Variants in CPNE4 observed in about 807,000 individuals in gnomAD.
CPNE4 encodes the protein copine 4.
A neutral mutation model predicts 67.9 loss-of-function variants in CPNE4; 25 were observed. The ratio of observed to expected loss-of-function variants is 0.37; its 90% CI spans 0.27 to 0.51. The LOEUF (loss-of-function observed/expected upper bound fraction) is 0.51, where lower values mean the gene tolerates loss of function less well. Among genes scored for constraint, CPNE4 ranks in the 20% least tolerant of loss-of-function variants. The probability of loss-of-function intolerance (pLI) is 0.93; values close to 1 mark genes in which losing one functional copy is unlikely to be tolerated. For missense variants in CPNE4, 464 were observed against 690.8 expected, an observed-to-expected ratio of 0.67 and a Z score of 3.68; for synonymous variants, 242 against 244.9, an observed-to-expected ratio of 0.99 and a Z score of 0.11.
At chr3:131,891,625 A>G (rs2088119423) in intron 2 of CPNE4, among the ~76,000 whole-genome samples, 1 of 151,960 alleles carries the variant, frequency 6.6e-6, no homozygotes, top group Non-Finnish European at 1.5e-5. Context: ...TGCTATGTGT[A>G]CATGTGTTCT....
At chr3:132,016,338 C>T (rs1378968249) in intron 1 of CPNE4, among the ~76,000 whole-genome samples, 1 of 152,198 alleles carries the variant, frequency 6.6e-6, no homozygotes, top group Non-Finnish European at 1.5e-5. Context: ...GGAATTTCAA[C>T]CACCGATCTA....
chr3:131,563,318 G>A (rs55728001), intron 11 of CPNE4, among the ~76,000 whole-genome samples: 4,156 of 152,052 alleles, frequency 0.027, 63 homozygotes, highest in Middle Eastern at 0.051. Context: ...AATCACACCA[G>A]GGAGTTAACT....
At chr3:131,914,427 C>T (rs1369692066) in intron 1 of CPNE4, among the ~76,000 whole-genome samples, 1 of 152,132 alleles carries the variant, frequency 6.6e-6, no homozygotes, top group Non-Finnish European at 1.5e-5. Flanking sequence ...CTCCCCTTCT[C>T]TCTAAGTCCT....
chr3:131,685,986 T>C (rs1382015694), intron 5 of CPNE4, 28 bp from the exon 6 acceptor site: 1 of 1,265,538 alleles, frequency 7.9e-7, no homozygotes, highest in Non-Finnish European at 1.2e-6. Flanking sequence ...CAATGAATTG[T>C]TTTTCCTCCT....
intron 1 of CPNE4, among the ~76,000 whole-genome samples, chr3:131,973,996 C>T (rs1012707204): frequency 3.3e-5 from 5 of 152,160 alleles, no homozygotes; most frequent in Admixed American, 3.3e-4. Context: ...AGACCAGTTT[C>T]TTTGAATCAC....
chr3:131,591,981 C>T (rs971524359), intron 7 of CPNE4, among the ~76,000 whole-genome samples: 1 of 152,194 alleles, frequency 6.6e-6, no homozygotes, highest in African/African-American at 2.4e-5. Flanking sequence ...CAGGTTCTTA[C>T]ATCTCACAGA....
intron 2 of CPNE4, among the ~76,000 whole-genome samples, chr3:131,766,166 G>C (rs1322931408): frequency 1.3e-5 from 2 of 152,122 alleles, no homozygotes; most frequent in African/African-American, 4.8e-5. Flanking sequence ...CTCATTAGCT[G>C]TGTGGCTTTG....
chr3:131,649,003 T>A (rs1028882523), intron 7 of CPNE4, among the ~76,000 whole-genome samples: 1 of 152,206 alleles, frequency 6.6e-6, no homozygotes, highest in African/African-American at 2.4e-5. Flanking sequence ...TTTTCCTCCT[T>A]AACTCTATGT....
chr3:131,710,974 T>C (rs2081543108), intron 3 of CPNE4, among the ~76,000 whole-genome samples: 2 of 152,142 alleles, frequency 1.3e-5, no homozygotes, highest in African/African-American at 4.8e-5. Context: ...ATGATGATAG[T>C]GTTGATAGCA....
intron 7 of CPNE4, among the ~76,000 whole-genome samples, chr3:131,601,628 T>C (rs1939212014): frequency 1.3e-5 from 2 of 152,116 alleles, no homozygotes; most frequent in Admixed American, 1.3e-4. Context: ...TAAGGACAGG[T>C]AGAGCAGGAA....
chr3:131,548,073 A>G (rs1001697759), intron 14 of CPNE4, among the ~76,000 whole-genome samples: 3 of 152,154 alleles, frequency 2.0e-5, no homozygotes, highest in African/African-American at 4.8e-5. Context: ...TGAACCAAAG[A>G]CATGCAGTGA....
chr3:131,927,008 C>G (rs2070914842), intron 1 of CPNE4, among the ~76,000 whole-genome samples: 2 of 152,002 alleles, frequency 1.3e-5, no homozygotes. Flanking sequence ...AACAAGCTGG[C>G]CTAAAGGACC....
At chr3:131,813,313 G>A (rs1355596699) in intron 2 of CPNE4, among the ~76,000 whole-genome samples, 3 of 151,050 alleles carry the variant, frequency 2.0e-5, no homozygotes, top group African/African-American at 4.8e-5. Flanking sequence ...AAAGAAAAGA[G>A]GGAAATGAGA....
intron 2 of CPNE4, among the ~76,000 whole-genome samples, chr3:131,828,446 C>T (rs1476578017): frequency 6.6e-6 from 1 of 152,088 alleles, no homozygotes; most frequent in Non-Finnish European, 1.5e-5. Flanking sequence ...AAAATTAATC[C>T]ATGCTATTAT....
intron 4 of CPNE4, 26 bp from the exon 5 acceptor site, chr3:131,696,642 G>T (rs1361321630): frequency 1.2e-6 from 2 of 1,603,632 alleles, no homozygotes; most frequent in Non-Finnish European, 1.7e-6. Context: ...CACATCAGCT[G>T]CAATAGAGGG....
chr3:131,880,906 G>T (rs1417856430), intron 2 of CPNE4, among the ~76,000 whole-genome samples: 3 of 152,208 alleles, frequency 2.0e-5, no homozygotes, highest in Admixed American at 6.5e-5. Context: ...TTAGGAAGAT[G>T]TTTTTGAAGT....
chr3:131,802,516 G>A (rs866988775), intron 2 of CPNE4, among the ~76,000 whole-genome samples: 1 of 152,170 alleles, frequency 6.6e-6, no homozygotes, highest in Non-Finnish European at 1.5e-5. Context: ...ATTGAAGTAG[G>A]GGGAGGCAGT....
At chr3:131,804,803 G>A (rs2084252604) in intron 2 of CPNE4, among the ~76,000 whole-genome samples, 1 of 152,200 alleles carries the variant, frequency 6.6e-6, no homozygotes, top group Admixed American at 6.5e-5. Flanking sequence ...TAGAGAACAA[G>A]TGACATGTGG....
rs145176487 is a variant in CPNE4 at position 131,995,431 on chromosome 3, A to G, written c.-2+39136T>C. Among the ~76,000 whole-genome samples the G allele has an allele frequency of 2.6e-5, 4 of 152,244 alleles. 1 individual carries two copies. The East Asian group carries it at 7.7e-4, about 29-fold the overall frequency. On this transcript the variant is annotated intron_variant, in intron 1 of 15. Transcript: ENST00000429747. ...TTTGCTTCCCAGTATCCAAGTTTAT[A>G]ATGCTTCTTCACTTTTCTTCAGGAA...
Sources: allele counts gnomAD v4.1 joint callset (sites outside exome capture counted in the v4.1 genomes callset), GRCh38; gene constraint gnomAD v4.1.1; transcripts MANE v1.5; gene names NCBI Gene and HGNC (gene_info 2026-07-23, HGNC 2026-07-21).